Variants in C11orf65 observed in about 807,000 individuals in gnomAD.
C11orf65 encodes the protein chromosome 11 open reading frame 65.
A neutral mutation model predicts 35.3 loss-of-function variants in C11orf65; 38 were observed. The observed-to-expected ratio is 1.08, with a 90% CI of 0.83 to 1.41. The LOEUF (loss-of-function observed/expected upper bound fraction) is 1.41, where lower values mean the gene tolerates loss of function less well. Ranked by LOEUF, C11orf65 falls within the 40% of genes most tolerant of loss-of-function variation. C11orf65 has a pLI of 0.00. For synonymous variants in C11orf65, 105 were observed against 114.4 expected (o/e 0.92, Z 0.53); for missense variants, 370 against 367.1 (o/e 1.01, Z -0.06).
chr11:108,365,595 G>A (rs1453231021), intron 2 of C11orf65: 1 of 1,455,336 alleles, frequency 6.9e-7, no homozygotes, highest in Non-Finnish European at 9.4e-7. Context: ...ACTTTAAGTA[G>A]GGATTAATAT....
At chr11:108,432,192 G>A (rs890635353) in intron 2 of C11orf65, among the ~76,000 whole-genome samples, 13 of 152,140 alleles carry the variant, frequency 8.5e-5, no homozygotes, top group Admixed American at 2.0e-4. Context: ...ACTCTTGTCT[G>A]GGTTCAGCTG....
chr11:108,312,639 G>T, intron 6 of C11orf65: 1 of 643,974 alleles, frequency 1.6e-6, no homozygotes. Flanking sequence ...TAAAATTATG[G>T]TCTGAAGCTT....
In C11orf65 at chr11:108,354,766, A is replaced by T. The variant is rs751581707; in HGVS notation, c.227-19474T>A. On this transcript the variant is annotated intron_variant, in intron 2 of 3. Coordinates refer to the C11orf65 transcript ENST00000524755. ...ATACAGATAAAGATACGTTGACAAC[A>T]TTGGTGTGTAACAAAATCCGTATTT... is the stretch of plus-strand genomic sequence containing the variant. 2.7e-6 allele frequency: 4 copies of T among 1,499,414 alleles called. No individual in the cohort carries two copies. In the Admixed American group the frequency reaches 6.7e-5, roughly 25 times the overall value. 92.9% of individuals were successfully genotyped at this position (1,499,414 alleles called of 1,614,324 possible). A position where few individuals can be genotyped will look rare whatever the true frequency, so the allele number is the denominator to read the frequency against.
At chr11:108,340,110 G>A (rs1230214937) in intron 2 of C11orf65, 1 of 152,082 alleles carries the variant, frequency 6.6e-6, no homozygotes, top group Non-Finnish European at 1.5e-5. Flanking sequence ...GTTAGAGATG[G>A]TACCACCTTC....
Position 108,387,695 on chromosome 11 carries a change from C to CT in C11orf65, c.732-1721dup, listed in dbSNP as rs770680438. On this transcript the variant is annotated intron_variant, in intron 7 of 8. Transcript: ENST00000393084. ...GATGCATGTCACCACACCTGGCTAACTTTTTAATTTTTTGTAGAGATGGGG... is the reference window on the plus strand; with the variant it reads ...GATGCATGTCACCACACCTGGCTAACTTTTTTAATTTTTTGTAGAGATGGGG... 5.3e-5 allele frequency among the ~76,000 whole-genome samples: 8 copies of CT among 151,888 alleles called. No individual in the cohort carries two copies. In the South Asian group the frequency reaches 1.0e-3, roughly 20 times the overall value.
chr11:108,365,243 T>C (rs1204264790), intron 2 of C11orf65: 1 of 1,614,234 alleles, frequency 6.2e-7, no homozygotes, highest in Non-Finnish European at 8.5e-7. Context: ...AAGAAGGTCC[T>C]GTTGTCAGTT....
At chr11:108,451,432 G>C (rs1224610388) in intron 2 of C11orf65, among the ~76,000 whole-genome samples, 3 of 151,892 alleles carry the variant, frequency 2.0e-5, no homozygotes, top group Non-Finnish European at 4.4e-5. Flanking sequence ...AAAATATCTA[G>C]GAATCCAACT....
chr11:108,453,374 A>G (rs1280904660), intron 2 of C11orf65, among the ~76,000 whole-genome samples: 1 of 152,096 alleles, frequency 6.6e-6, no homozygotes, highest in African/African-American at 2.4e-5. Context: ...AACAAACAGC[A>G]AGATGGTAGC....
intron 3 of C11orf65, 25 bp from the exon 4 acceptor site, chr11:108,407,174 T>C (rs79803505): frequency 6.1e-6 from 9 of 1,475,066 alleles, no homozygotes; most frequent in Admixed American, 1.9e-5. Context: ...ATTATTCTTA[T>C]ATATTATTCT....
chr11:108,360,133 A>C (rs1466456638), intron 2 of C11orf65, among the ~76,000 whole-genome samples: 8 of 151,192 alleles, frequency 5.3e-5, no homozygotes, highest in East Asian at 1.9e-4. Flanking sequence ...GATCCCACAG[A>C]AATACAAACT....
intron 2 of C11orf65, among the ~76,000 whole-genome samples, chr11:108,373,963 A>G (rs2091644226): frequency 6.6e-6 from 1 of 152,240 alleles, no homozygotes; most frequent in Admixed American, 6.5e-5. Context: ...GGCTGCAGCG[A>G]GGCTGGCGGA....
At position 108,353,862 on chromosome 11, in the gene C11orf65, T is replaced by A. The variant is rs786203055; in HGVS notation, c.227-18570A>T. 3 of 1,613,438 alleles carry A rather than the reference T, an allele frequency of 1.9e-6. No homozygotes were observed. Among genetic ancestry groups the A allele is most frequent in the Non-Finnish European group, 2.5e-6 (3 of 1,179,446 alleles). ...GTGGATGGCATGGGCATTACGGGTG[T>A]TGAAGGTGTCTTCAGAAGGTAAGTG... On this transcript the variant is annotated intron_variant, in intron 2 of 3. Coordinates refer to the C11orf65 transcript ENST00000524755.
chr11:108,344,224 G>A (rs1003930798), intron 2 of C11orf65, among the ~76,000 whole-genome samples: 1 of 152,182 alleles, frequency 6.6e-6, no homozygotes, highest in African/African-American at 2.4e-5. Context: ...GTATGGAGGA[G>A]GAAGTGCTTA....
chr11:108,344,725 C>T (rs899028226), intron 2 of C11orf65, among the ~76,000 whole-genome samples: 2 of 151,814 alleles, frequency 1.3e-5, no homozygotes, highest in South Asian at 2.1e-4. Flanking sequence ...GGTTGGGGGG[C>T]GGGTGTGGTA....
intron 2 of C11orf65, chr11:108,368,540 A>T: frequency 4.6e-6 from 1 of 217,444 alleles, no homozygotes; most frequent in Non-Finnish European, 9.2e-6. Context: ...CAAGGCAAGA[A>T]GATAGTAAAT....
At chr11:108,396,589 T>G (rs1030455622) in intron 6 of C11orf65, among the ~76,000 whole-genome samples, 18 of 151,844 alleles carry the variant, frequency 1.2e-4, no homozygotes, top group African/African-American at 4.3e-4. Flanking sequence ...CCCAACACTT[T>G]GGGAGGCCAA....
chr11:108,393,545 G>T (rs1435255331), intron 6 of C11orf65, among the ~76,000 whole-genome samples, 167 bp from the exon 7 acceptor site: 1 of 152,090 alleles, frequency 6.6e-6, no homozygotes, highest in Admixed American at 6.6e-5. Flanking sequence ...TCTATGTGAT[G>T]GAATCTTCTG....
At chr11:108,343,228 C>A in intron 2 of C11orf65, 1 of 1,613,894 alleles carries the variant, frequency 6.2e-7, no homozygotes, top group South Asian at 1.1e-5. Flanking sequence ...CCAGGTGGTT[C>A]CCCTCTCTCA....
At chr11:108,434,705 T>C (rs902264252) in intron 2 of C11orf65, among the ~76,000 whole-genome samples, 2 of 152,196 alleles carry the variant, frequency 1.3e-5, no homozygotes, top group Non-Finnish European at 2.9e-5. Context: ...AACACTTCCA[T>C]TATGGAAAGG....
Sources: allele counts gnomAD v4.1 joint callset (sites outside exome capture counted in the v4.1 genomes callset), GRCh38; gene constraint gnomAD v4.1.1; transcripts MANE v1.5; gene names NCBI Gene and HGNC (gene_info 2026-07-23, HGNC 2026-07-21).